Variants in FGF14 observed in about 807,000 individuals in gnomAD.
FGF14 encodes fibroblast growth factor homologous factor 4.
FGF14 carries 5 observed loss-of-function variants against 25.5 expected under a neutral mutation model. The observed-to-expected ratio is 0.20, with a 90% CI of 0.10 to 0.41. The LOEUF (loss-of-function observed/expected upper bound fraction) is 0.41. Ranked by LOEUF, FGF14 falls within the 10% of genes least tolerant of loss-of-function variation. FGF14 has a pLI of 1.00. For missense variants in FGF14, 222 were observed against 320.1 expected, an observed-to-expected ratio of 0.69 and a Z score of 2.34; for synonymous variants, 138 against 118.3, an observed-to-expected ratio of 1.17 and a Z score of -1.08.
At chr13:102,201,491 T>C (rs373147291) in intron 1 of FGF14, among the ~76,000 whole-genome samples, 3 of 152,318 alleles carry the variant, frequency 2.0e-5, no homozygotes, top group African/African-American at 7.2e-5. Flanking sequence ...GAAAAAATTC[T>C]CTGAGGTGTG....
At chr13:102,357,788 G>A (rs2057460027) in intron 1 of FGF14, among the ~76,000 whole-genome samples, 2 of 152,070 alleles carry the variant, frequency 1.3e-5, no homozygotes, top group South Asian at 4.1e-4. Flanking sequence ...TTGAAAATGG[G>A]TTCACTGATT....
chr13:101,825,464 A>G (rs1363541535), intron 3 of FGF14, among the ~76,000 whole-genome samples: 1 of 152,218 alleles, frequency 6.6e-6, no homozygotes, highest in African/African-American at 2.4e-5. Context: ...GAGGGCTATA[A>G]GAAAATACCA....
intron 1 of FGF14, among the ~76,000 whole-genome samples, chr13:102,337,038 A>G (rs1034845590): frequency 1.3e-5 from 2 of 152,208 alleles, no homozygotes; most frequent in Admixed American, 1.3e-4. Context: ...TGTTAACACA[A>G]CATGCATTCT....
chr13:102,191,510 T>C (rs973286666), intron 1 of FGF14, among the ~76,000 whole-genome samples: 4 of 152,138 alleles, frequency 2.6e-5, no homozygotes, highest in African/African-American at 9.7e-5. Context: ...ACTAATCCCA[T>C]CATGAGTTCC....
At position 101,720,367 on chromosome 13, in the gene FGF14, C is replaced by T. The variant is rs978000554; in HGVS notation, c.*2464G>A. 6.6e-6 allele frequency: 1 copy of T among 152,106 alleles called. No homozygotes were observed. Among genetic ancestry groups the T allele is most frequent in the African/African-American group, 2.4e-5 (1 of 41,438 alleles). 9.4% of individuals were successfully genotyped at this position (152,106 alleles called of 1,614,324 possible). On this transcript the variant is annotated 3_prime_UTR_variant, in exon 5 of 5. Transcript: ENST00000376143. The stretch of plus-strand genomic sequence containing the variant: ...TCATAGGGATAAATGCCCTTATAGA[C>T]ACCCCATATATAAAACACAACAGAG...
At position 102,391,766 on chromosome 13, in the gene FGF14, A is replaced by G. The variant is rs567322999; in HGVS notation, c.208+9705T>C. On this transcript the variant is annotated intron_variant, in intron 1 of 4. Coordinates refer to the FGF14 transcript ENST00000376131. ...GTGTTACTGCTTTCAATTTGTCCCA[A>G]CAATAAAATGCTAAGGCCAAATGAT... Among the ~76,000 whole-genome samples, 12 of 152,326 alleles carry G rather than the reference A, an allele frequency of 7.9e-5. 1 individual carries two copies. The South Asian group carries it at 2.1e-3, about 26-fold the overall frequency.
chr13:101,854,029 C>G (rs1462277769), intron 3 of FGF14, among the ~76,000 whole-genome samples: 1 of 152,014 alleles, frequency 6.6e-6, no homozygotes, highest in Non-Finnish European at 1.5e-5. Context: ...GATAAAAATG[C>G]TCATTTAAAC....
intron 1 of FGF14, among the ~76,000 whole-genome samples, chr13:102,393,054 C>T (rs1192698208): frequency 6.6e-6 from 1 of 152,164 alleles, no homozygotes; most frequent in African/African-American, 2.4e-5. Flanking sequence ...CTTTGACGCC[C>T]CCAAAGCTTA....
chr13:102,218,194 G>A (rs1018343444), intron 1 of FGF14, among the ~76,000 whole-genome samples: 2 of 151,878 alleles, frequency 1.3e-5, no homozygotes, highest in Non-Finnish European at 2.9e-5. Flanking sequence ...CATCAAATCC[G>A]TATTTTCTCC....
intron 1 of FGF14, among the ~76,000 whole-genome samples, chr13:102,269,951 C>T (rs1297307269): frequency 2.6e-5 from 4 of 152,106 alleles, no homozygotes; most frequent in Admixed American, 2.6e-4. Context: ...TCACCACGCC[C>T]GAGTGGAGTT....
intron 1 of FGF14, among the ~76,000 whole-genome samples, chr13:102,214,274 T>G (rs1314869961): frequency 6.6e-6 from 1 of 152,238 alleles, no homozygotes; most frequent in Non-Finnish European, 1.5e-5. Flanking sequence ...TTCAACCAAA[T>G]GATGAAATGT....
upstream of FGF14, among the ~76,000 whole-genome samples, chr13:101,921,466 A>G (rs754127163): frequency 5.3e-5 from 8 of 152,178 alleles, no homozygotes; most frequent in Non-Finnish European, 1.2e-4. Context: ...CTCAGGCTGA[A>G]AACTTTAGTA....
chr13:102,280,355 G>C (rs1044084690), intron 1 of FGF14, among the ~76,000 whole-genome samples: 4 of 152,176 alleles, frequency 2.6e-5, no homozygotes, highest in Non-Finnish European at 5.9e-5. Flanking sequence ...ACTGTTTTAA[G>C]TGGGGGAGTA....
chr13:101,762,600 A>T (rs916222592), intron 3 of FGF14, among the ~76,000 whole-genome samples: 1 of 152,230 alleles, frequency 6.6e-6, no homozygotes, highest in African/African-American at 2.4e-5. Flanking sequence ...ACGTGGGTCA[A>T]GAAATGAAAC....
At chr13:101,882,860 T>C (rs527735122) in intron 1 of FGF14, among the ~76,000 whole-genome samples, 95 of 152,282 alleles carry the variant, frequency 6.2e-4, no homozygotes, top group African/African-American at 2.2e-3. Context: ...CTGAGCTCTG[T>C]TCCCTTCTGA....
chr13:102,342,180 T>G (rs965272583), intron 1 of FGF14, among the ~76,000 whole-genome samples: 1 of 152,198 alleles, frequency 6.6e-6, no homozygotes, highest in African/African-American at 2.4e-5. Context: ...TGAGGACTTA[T>G]CGTTCCTGGG....
chr13:101,757,246 TAAC>T (rs1423391584), intron 3 of FGF14, among the ~76,000 whole-genome samples: 1 of 152,318 alleles, frequency 6.6e-6, no homozygotes, highest in Middle Eastern at 3.4e-3. Flanking sequence ...ATATAAAACT[TAAC>T]AAAGTCCTAT....
At chr13:102,292,555 G>A (rs1267862076) in intron 1 of FGF14, 1 of 152,164 alleles carries the variant, frequency 6.6e-6, no homozygotes, top group Non-Finnish European at 1.5e-5. Context: ...TGCTTAATAA[G>A]TATGAATTCT....
intron 1 of FGF14, chr13:102,262,991 T>C (rs959084538): frequency 1.9e-6 from 1 of 517,326 alleles, no homozygotes; most frequent in Admixed American, 2.7e-5. Context: ...GGTAACATGA[T>C]TGTGACCTTC....
Sources: gnomAD v4.1 joint callset for allele counts (sites outside exome capture counted in the v4.1 genomes callset) on GRCh38, gnomAD v4.1.1 for gene constraint, MANE v1.5 for transcripts, NCBI Gene and HGNC (gene_info 2026-07-23, HGNC 2026-07-21) for gene names.